Variants in SLC35F1 observed in about 807,000 individuals in gnomAD.
SLC35F1 encodes chromosome 6 open reading frame 169.
Under a neutral mutation model 48.7 loss-of-function variants are expected in SLC35F1, and 14 were observed. That is an observed-to-expected ratio of 0.29 (90% confidence interval 0.19 to 0.45). SLC35F1 has a LOEUF of 0.45. Among genes scored for constraint, SLC35F1 ranks in the 20% least tolerant of loss-of-function variants. SLC35F1 has a pLI of 1.00. For synonymous variants in SLC35F1, 190 were observed against 202.2 expected (o/e 0.94, Z 0.51); for missense variants, 404 against 500.0 (o/e 0.81, Z 1.83).
chr6:118,288,044 T>C (rs892622355), intron 7 of SLC35F1, among the ~76,000 whole-genome samples: 2 of 151,144 alleles, frequency 1.3e-5, no homozygotes, highest in Non-Finnish European at 2.9e-5. Flanking sequence ...AAAATACACA[T>C]ACATTTTGTT....
intron 1 of SLC35F1, among the ~76,000 whole-genome samples, chr6:118,050,193 C>T (rs1772367011): frequency 2.0e-5 from 3 of 151,524 alleles, no homozygotes; most frequent in African/African-American, 7.3e-5. Flanking sequence ...GGAAGGGGAA[C>T]ATCACACTCC....
intron 1 of SLC35F1, among the ~76,000 whole-genome samples, chr6:118,113,119 C>A (rs2114387047): frequency 6.6e-6 from 1 of 152,128 alleles, no homozygotes; most frequent in Non-Finnish European, 1.5e-5. Context: ...AAGATAAGGT[C>A]TTGCTCTGTC....
rs35420310 is a variant in SLC35F1 at position 117,966,131 on chromosome 6, G to GCCCCCCC, written c.173+58237_173+58243dup. Among the ~76,000 whole-genome samples, 355 of 101,010 alleles carry GCCCCCCC rather than the reference G, an allele frequency of 3.5e-3. 22 individuals carry two copies. The highest frequency in any genetic ancestry group is 4.6e-3 in the Non-Finnish European group (228 of 49,056). 66.3% of individuals were successfully genotyped at this position (101,010 alleles called of 152,430 possible). A position where few individuals can be genotyped will look rare whatever the true frequency, so the allele number is the denominator to read the frequency against. ...AATAAGGGAATAAAAGCAGGCCACC[G>GCCCCCCC]CCCCCCCCCCCACTCCCGCCCCGCC... On this transcript the variant is annotated intron_variant, in intron 1 of 7. Transcript: ENST00000360388.
At chr6:118,010,919 G>C (rs1352063507) in intron 1 of SLC35F1, among the ~76,000 whole-genome samples, 1 of 152,172 alleles carries the variant, frequency 6.6e-6, no homozygotes, top group Non-Finnish European at 1.5e-5. Context: ...ATCTAGACAA[G>C]TGCTTCTCAA....
chr6:118,266,528 T>G (rs1259580477), intron 3 of SLC35F1, among the ~76,000 whole-genome samples: 2 of 152,308 alleles, frequency 1.3e-5, no homozygotes, highest in African/African-American at 4.8e-5. Context: ...TAAATTCAAC[T>G]TTTGTCTAAT....
At chr6:118,088,849 C>T (rs1225753463) in intron 1 of SLC35F1, among the ~76,000 whole-genome samples, 5 of 152,122 alleles carry the variant, frequency 3.3e-5, no homozygotes, top group Non-Finnish European at 7.4e-5. Flanking sequence ...AGCATAAAGA[C>T]ACTTCTACAT....
chr6:117,985,992 C>T (rs553310449), intron 1 of SLC35F1, among the ~76,000 whole-genome samples: 3 of 152,262 alleles, frequency 2.0e-5, no homozygotes, highest in African/African-American at 7.2e-5. Flanking sequence ...CTGGGCAGGG[C>T]TGGAAATGTT....
intron 3 of SLC35F1, among the ~76,000 whole-genome samples, chr6:118,247,603 T>C (rs2114599163): frequency 6.6e-6 from 1 of 152,340 alleles, no homozygotes; most frequent in East Asian, 1.9e-4. Flanking sequence ...AGTCATTTTG[T>C]GCTATGAATA....
intron 7 of SLC35F1, among the ~76,000 whole-genome samples, chr6:118,289,359 A>T (rs917746407): frequency 3.3e-5 from 5 of 152,234 alleles, no homozygotes; most frequent in African/African-American, 1.2e-4. Context: ...AGAGATAAAC[A>T]CCCAAGAGTA....
chr6:118,308,149 T>C (rs573135334), intron 7 of SLC35F1, among the ~76,000 whole-genome samples: 1 of 152,246 alleles, frequency 6.6e-6, no homozygotes, highest in Non-Finnish European at 1.5e-5. Flanking sequence ...TAGTCACTGA[T>C]GGATCTTTAA....
At chr6:118,084,107 A>G (rs1772950505) in intron 1 of SLC35F1, among the ~76,000 whole-genome samples, 1 of 152,214 alleles carries the variant, frequency 6.6e-6, no homozygotes, top group Non-Finnish European at 1.5e-5. Flanking sequence ...TGACTTGCCC[A>G]GGGTCACATG....
intron 1 of SLC35F1, among the ~76,000 whole-genome samples, chr6:118,126,461 C>T (rs1425297607): frequency 2.0e-5 from 3 of 151,988 alleles, no homozygotes; most frequent in African/African-American, 4.8e-5. Flanking sequence ...CTTGGTGGTG[C>T]GGGCTCTTTT....
At chr6:118,218,652 T>A (rs9481770) in intron 2 of SLC35F1, among the ~76,000 whole-genome samples, 91,398 of 152,044 alleles carry the variant, frequency 0.6, 27,809 homozygotes, top group Middle Eastern at 0.69. Context: ...TGTTTCTTTA[T>A]GTCCTGAGGA....
intron 5 of SLC35F1, among the ~76,000 whole-genome samples, chr6:118,276,906 G>A (rs1775924468): frequency 6.6e-6 from 1 of 152,086 alleles, no homozygotes; most frequent in South Asian, 2.1e-4. Context: ...TGATACCAAT[G>A]CCACCTCCCC....
chr6:118,315,727 CTG>C lies in SLC35F1; in HGVS notation c.*1476_*1477del, dbSNP rs1562122623. Reference sequence around the variant, plus strand: ...GTGCTGGGATTACAGGCGTGAGCCACTGCGCCCGGCCGACACGACATTCTTAT... The same window carrying C: ...GTGCTGGGATTACAGGCGTGAGCCACCGCCCGGCCGACACGACATTCTTAT... On this transcript the variant is annotated 3_prime_UTR_variant, in exon 8 of 8. Coordinates refer to ENST00000360388, the MANE Select transcript of SLC35F1 (RefSeq NM_001029858.4). 6.6e-6 allele frequency: 1 copy of C among 152,364 alleles called. No individual in the cohort carries two copies. Among genetic ancestry groups the C allele is most frequent in the African/African-American group, 2.4e-5 (1 of 41,428 alleles). The allele number at this position is 152,364 out of a possible 1,614,324, so 9.4% of individuals were successfully genotyped here. A position where few individuals can be genotyped will look rare whatever the true frequency, so the allele number is the denominator to read the frequency against.
chr6:118,110,603 G>A (rs1015168884), intron 1 of SLC35F1, among the ~76,000 whole-genome samples: 1 of 152,104 alleles, frequency 6.6e-6, no homozygotes, highest in African/African-American at 2.4e-5. Context: ...TAGGAATTAG[G>A]TTATGCTTAC....
intron 2 of SLC35F1, among the ~76,000 whole-genome samples, chr6:118,166,371 T>C (rs1774318401): frequency 6.6e-6 from 1 of 152,148 alleles, no homozygotes; most frequent in Non-Finnish European, 1.5e-5. Context: ...ACTGGGGCCT[T>C]ACCAGATTCA....
At chr6:117,947,953 G>A (rs908801316) in intron 1 of SLC35F1, among the ~76,000 whole-genome samples, 15 of 152,188 alleles carry the variant, frequency 9.9e-5, no homozygotes, top group South Asian at 2.1e-4. Flanking sequence ...TGAGTGCTTG[G>A]TCACTCCTAT....
chr6:118,034,585 T>A (rs890667887), intron 1 of SLC35F1, among the ~76,000 whole-genome samples: 9 of 151,656 alleles, frequency 5.9e-5, no homozygotes, highest in South Asian at 2.1e-4. Context: ...AAATAAATAA[T>A]CAATCAATAA....
Sources: gnomAD v4.1 joint callset for allele counts (sites outside exome capture counted in the v4.1 genomes callset) on GRCh38, gnomAD v4.1.1 for gene constraint, MANE v1.5 for transcripts, NCBI Gene and HGNC (gene_info 2026-07-23, HGNC 2026-07-21) for gene names.